Variants in CDK10 observed in about 807,000 individuals in gnomAD.
CDK10 encodes the protein cyclin dependent kinase 10, also known as cyclin-dependent kinase 10.
In CDK10, 55 loss-of-function variants were observed where a neutral mutation model predicts 51.0. That is an observed-to-expected ratio of 1.08 (90% CI 0.87 to 1.35). The LOEUF is 1.35. Ranked by LOEUF, CDK10 falls within the 40% of genes most tolerant of loss-of-function variation. CDK10 has a pLI of 0.00. For synonymous variants in CDK10, 255 were observed against 199.1 expected, an observed-to-expected ratio of 1.28 and a Z score of -2.36; for missense variants, 589 against 485.1, an observed-to-expected ratio of 1.21 and a Z score of -2.01.
In CDK10 at chr16:89,691,550, G is replaced by A. The variant is rs765750522; in HGVS notation, c.335+5G>A. On this transcript the variant is annotated splice_donor_5th_base_variant and intron_variant, in intron 4 of 12. Transcript: ENST00000353379. ...TGTGGGGAACCACCTGGAGAGGTACGTGGTCTCCTGGTCTGCACATTGGGC... is the reference window on the plus strand; with the variant it reads ...TGTGGGGAACCACCTGGAGAGGTACATGGTCTCCTGGTCTGCACATTGGGC... 9 of 1,607,826 alleles carry A rather than the reference G, an allele frequency of 5.6e-6. No homozygotes were observed. Among genetic ancestry groups the A allele is most frequent in the African/African-American group, 2.7e-5 (2 of 74,958 alleles).
At chr16:89,694,619 G>T in intron 9 of CDK10, 46 bp from the exon 10 acceptor site, 1 of 1,562,730 alleles carries the variant, frequency 6.4e-7, no homozygotes, top group South Asian at 1.2e-5. Flanking sequence ...CGCGCTGGCG[G>T]GGTCAGCAGA....
intron 2 of CDK10, chr16:89,689,570 C>T: frequency 2.0e-6 from 1 of 494,722 alleles, no homozygotes; most frequent in African/African-American, 1.9e-5. Context: ...GCAGAGTACA[C>T]AGAACTGTTA....
At position 89,686,786 on chromosome 16, in the gene CDK10, C is replaced by A; in HGVS notation, c.76C>A (p.Pro26Thr). Residue 26 changes from proline (P) to threonine (T), a missense_variant, in exon 1 of 13, where the codon CCG becomes ACG. Physicochemically the swap from Pro to Thr is conservative, Grantham distance 38. Transcript: ENST00000353379. ...TAAGGAGGGCTTCTTCACGGTGCCTCCGGAACACAGGGTGCGCGGGGTGCC... is the reference window on the plus strand; with the variant it reads ...TAAGGAGGGCTTCTTCACGGTGCCTACGGAACACAGGGTGCGCGGGGTGCC... ...IRKEGFFTVP[P>T]EHRLGRCRSV... The A allele has an allele frequency of 1.2e-6, 2 of 1,611,672 alleles. No homozygotes were observed. The highest frequency in any genetic ancestry group is 2.7e-5 in the African/African-American group (2 of 74,984).
Position 89,695,691 on chromosome 16 carries a change from G to A in CDK10, c.1082G>A (p.Ter361=), listed in dbSNP as rs562331864. The A allele has an allele frequency of 6.4e-5, 102 of 1,595,382 alleles. No individual in the cohort carries two copies. The highest frequency in any genetic ancestry group is 8.7e-5 in the Non-Finnish European group (102 of 1,173,330). ...SEGQSKRCKP[*] ...GGCCAGAGCAAGCGCTGTAAACCCT[G>A]ACGGTGGGCCTGGCACACGCCTGTA... The change falls in exon 13 of 13, where the codon TGA becomes TAA. Residue 361 remains the stop codon, a stop_retained_variant. Coordinates refer to ENST00000353379, the MANE Select transcript of CDK10 (RefSeq NM_052988.5).
rs1451066745 is a variant in CDK10 at position 89,695,363 on chromosome 16, C to G, written c.985+18C>G. On this transcript the variant is annotated intron_variant, in intron 12 of 12. Transcript: ENST00000353379. ...GCCCCTACGTGAGTGTGCAGGGTTC[C>G]TGACTCGCTCTGTGGGGTATGGCTG... 6.2e-7 allele frequency: 1 copy of G among 1,608,672 alleles called. No individual in the cohort carries two copies. The highest frequency in any genetic ancestry group is 8.5e-7 in the Non-Finnish European group (1 of 1,175,962).
rs761749925 is a variant in CDK10 at position 89,693,390 on chromosome 16, T to C, written c.539-8T>C. The stretch of plus-strand genomic sequence containing the variant: ...ACTTGGTGACACACACTCCCCTCTC[T>C]GCTGCAGCGGATTTCGGCCTGGCCC... On this transcript the variant is annotated splice_polypyrimidine_tract_variant and splice_region_variant and intron_variant, in intron 7 of 12. Coordinates refer to ENST00000353379, the MANE Select transcript of CDK10 (RefSeq NM_052988.5). 4.3e-6 allele frequency: 7 copies of C among 1,614,176 alleles called. No homozygotes were observed. Among genetic ancestry groups the C allele is most frequent in the Non-Finnish European group, 5.9e-6 (7 of 1,180,038 alleles).
At chr16:89,686,859 C>G (rs1254946356) in intron 1 of CDK10, 62 bp downstream of exon 1, 1 of 1,407,268 alleles carries the variant, frequency 7.1e-7, no homozygotes. Flanking sequence ...CCGGCTGGGT[C>G]TGGGGAGCCT....
At chr16:89,692,686 C>T (rs1055023716) in intron 6 of CDK10, 170 bp downstream of exon 6, 19 of 480,900 alleles carry the variant, frequency 4.0e-5, no homozygotes, top group African/African-American at 3.3e-4. Context: ...TCTGTGTTGC[C>T]CAGGCTGGTC....
intron 1 of CDK10, among the ~76,000 whole-genome samples, chr16:89,688,256 A>G (rs962358526): frequency 1.3e-5 from 2 of 151,632 alleles, no homozygotes; most frequent in African/African-American, 4.8e-5. Context: ...TAATTTTTTC[A>G]TATTTTTAGT....
At chr16:89,693,214 G>A (rs552411412) in intron 6 of CDK10, 60 bp from the exon 7 acceptor site, 3 of 1,481,650 alleles carry the variant, frequency 2.0e-6, no homozygotes, top group Admixed American at 3.3e-5. Context: ...TGGTGCCGTG[G>A]GGGAGCTCTC....
Position 89,692,445 on chromosome 16 carries a change from A to T in CDK10, c.418-4A>T. The T allele has an allele frequency of 6.3e-7, 1 of 1,577,630 alleles. No individual in the cohort carries two copies. The highest frequency in any genetic ancestry group is 8.6e-7 in the Non-Finnish European group (1 of 1,162,750). ...CTGACTGGTACCTCTGACCCTCTGC[A>T]CAGGTCAAGTGCATCGTGCTGCAGG... On this transcript the variant is annotated splice_region_variant and splice_polypyrimidine_tract_variant and intron_variant, in intron 5 of 12. Coordinates refer to ENST00000353379, the MANE Select transcript of CDK10 (RefSeq NM_052988.5).
At chr16:89,690,741 G>C in intron 3 of CDK10, 117 bp downstream of exon 3, 1 of 890,928 alleles carries the variant, frequency 1.1e-6, no homozygotes, top group Non-Finnish European at 1.9e-6. Context: ...CGGCCTCTGG[G>C]AGGGTTCTGG....
At chr16:89,695,404 C>T (rs912173535) in intron 12 of CDK10, 59 bp downstream of exon 12, 84 of 1,572,200 alleles carry the variant, frequency 5.3e-5, no homozygotes, top group Non-Finnish European at 6.5e-5. Flanking sequence ...CCGTTTTGCC[C>T]GGGGTGGGTG....
Position 89,694,530 on chromosome 16 carries a change from T to C in CDK10, c.669-135T>C, listed in dbSNP as rs185316938. The C allele has an allele frequency of 4.0e-4, 592 of 1,477,542 alleles. 1 individual carries two copies. Among genetic ancestry groups the C allele is most frequent in the Non-Finnish European group, 5.2e-4 (571 of 1,095,918 alleles). 91.5% of individuals were successfully genotyped at this position (1,477,542 alleles called of 1,614,324 possible). On this transcript the variant is annotated intron_variant, in intron 9 of 12. Transcript: ENST00000353379. ...GGGAGCCAGTGGTCCCTGCCTGTCC[T>C]TCACAGTGTCCCTGACCCAGCGTGC...
At chr16:89,691,379 G>C in intron 3 of CDK10, 64 bp from the exon 4 acceptor site, 1 of 1,249,362 alleles carries the variant, frequency 8.0e-7, no homozygotes. Flanking sequence ...CCCAAGAGTG[G>C]CTGGGGTTGG....
At chr16:89,695,099 C>G (rs777674394) in intron 11 of CDK10, 29 bp downstream of exon 11, 30 of 1,600,350 alleles carry the variant, frequency 1.9e-5, no homozygotes, top group Non-Finnish European at 2.5e-5. Flanking sequence ...GGGGCAGGGA[C>G]CCTCACCACC....
intron 8 of CDK10, 180 bp downstream of exon 8, chr16:89,693,647 A>C: frequency 8.0e-6 from 5 of 624,610 alleles, no homozygotes; most frequent in East Asian, 2.8e-5. Context: ...GTGCCACAAA[A>C]TGGTGAGAGA....
In CDK10 at chr16:89,696,287, C is replaced by G. The variant is rs571644340; in HGVS notation, c.*595C>G. The G allele has an allele frequency of 3.5e-4, 76 of 217,518 alleles. No homozygotes were observed. The Middle Eastern group carries it at 5.1e-3, about 15-fold the overall frequency. 13.5% of individuals were successfully genotyped at this position (217,518 alleles called of 1,614,324 possible). A position where few individuals can be genotyped will look rare whatever the true frequency, so the allele number is the denominator to read the frequency against. On this transcript the variant is annotated 3_prime_UTR_variant, in exon 13 of 13. Coordinates refer to ENST00000353379, the MANE Select transcript of CDK10 (RefSeq NM_052988.5). ...CCTGCTCCCCACATGGAGGACCCAA[C>G]AGGAGGCCGTGGCTCTGATGCTGAG...
intron 5 of CDK10, chr16:89,692,199 G>A (rs545412375): frequency 2.0e-5 from 10 of 506,108 alleles, no homozygotes; most frequent in South Asian, 7.2e-5. Flanking sequence ...AGCCCTGGGC[G>A]GAGAGCCTTC....
Sources: allele counts gnomAD v4.1 joint callset (sites outside exome capture counted in the v4.1 genomes callset), GRCh38; gene constraint gnomAD v4.1.1; transcripts MANE v1.5; gene names NCBI Gene and HGNC (gene_info 2026-07-23, HGNC 2026-07-21).